SCYL3: variants seen among roughly 807,000 people sequenced by gnomAD.
SCYL3 encodes SCY1 like pseudokinase 3.
SCYL3 carries 35 observed loss-of-function variants against 73.8 expected under a neutral mutation model. The ratio of observed to expected loss-of-function variants is 0.47; its 90% confidence interval spans 0.36 to 0.63. The LOEUF (loss-of-function observed/expected upper bound fraction) is 0.63, where lower values mean the gene tolerates loss of function less well. SCYL3 is among the 20% of genes least tolerant of loss of function. SCYL3 has a pLI of 0.00. For synonymous variants in SCYL3, 277 were observed against 295.2 expected, an observed-to-expected ratio of 0.94 and a Z score of 0.63; for missense variants, 712 against 798.9, an observed-to-expected ratio of 0.89 and a Z score of 1.31.
intron 1 of SCYL3, among the ~76,000 whole-genome samples, chr1:169,892,369 C>T (rs1264670185): frequency 6.6e-6 from 1 of 152,170 alleles, no homozygotes; most frequent in Non-Finnish European, 1.5e-5. Flanking sequence ...AGCTACCTGC[C>T]CTCCCCAGCC....
At chr1:169,873,778 A>G in intron 4 of SCYL3, 26 bp from the exon 5 acceptor site, 1 of 1,527,066 alleles carries the variant, frequency 6.5e-7, no homozygotes. Flanking sequence ...AATTAAAGAA[A>G]ATGATTCATA....
chr1:169,890,287 C>T (rs964487130), intron 1 of SCYL3, among the ~76,000 whole-genome samples: 6 of 152,140 alleles, frequency 3.9e-5, no homozygotes, highest in African/African-American at 7.2e-5. Flanking sequence ...GGCCAAACAA[C>T]GTATGTCTGA....
At position 169,893,245 on chromosome 1, in the gene SCYL3, A is replaced by C. The variant is rs1036861318; in HGVS notation, c.-51+543T>G. On this transcript the variant is annotated intron_variant, in intron 1 of 12. Coordinates refer to ENST00000367771, the MANE Select transcript of SCYL3 (RefSeq NM_020423.7). ...TGTTTCATCTTTATTCTAAACAGAA[A>C]GCACTATGCCAAGACAGGAGCCAGC... Among the ~76,000 whole-genome samples the C allele has an allele frequency of 1.0e-3, 159 of 152,288 alleles. 1 individual carries two copies. The highest frequency in any genetic ancestry group is 3.6e-3 in the African/African-American group (148 of 41,564).
At chr1:169,860,483 C>A (rs1389941113) in intron 10 of SCYL3, among the ~76,000 whole-genome samples, 7 of 152,222 alleles carry the variant, frequency 4.6e-5, no homozygotes, top group Admixed American at 4.6e-4. Flanking sequence ...CTTAGCTCTG[C>A]TAATAATTCT....
rs191037390 is a variant in SCYL3, at chr1:169,852,936, G to A, written c.*777C>T. The A allele has an allele frequency of 8.7e-6, 14 of 1,614,082 alleles. 1 individual carries two copies. In the African/African-American group the frequency reaches 1.2e-4, roughly 14 times the overall value. ...CCTGGCTTTCAATGGAAATGGAGGCGCTCCAAGAAAGGATGGATAAGCTAA... is the reference window on the plus strand; with the variant it reads ...CCTGGCTTTCAATGGAAATGGAGGCACTCCAAGAAAGGATGGATAAGCTAA... On this transcript the variant is annotated 3_prime_UTR_variant, in exon 13 of 13. Coordinates refer to ENST00000367771, the MANE Select transcript of SCYL3 (RefSeq NM_020423.7).
chr1:169,856,590 C>A (rs141799938), intron 11 of SCYL3, among the ~76,000 whole-genome samples: 27 of 152,246 alleles, frequency 1.8e-4, no homozygotes, highest in African/African-American at 4.6e-4. Flanking sequence ...ACATCTCCCC[C>A]CTCCTCACCC....
At chr1:169,863,880 T>G (rs913237519) in intron 9 of SCYL3, among the ~76,000 whole-genome samples, 1 of 152,184 alleles carries the variant, frequency 6.6e-6, no homozygotes, top group African/African-American at 2.4e-5. Context: ...TACTATATTC[T>G]CTCATCTGTT....
intron 11 of SCYL3, among the ~76,000 whole-genome samples, chr1:169,855,618 A>G (rs1027518543): frequency 6.6e-6 from 1 of 152,218 alleles, no homozygotes; most frequent in African/African-American, 2.4e-5. Flanking sequence ...CTTCTCACCA[A>G]CTATAAAGAG....
intron 5 of SCYL3, among the ~76,000 whole-genome samples, chr1:169,870,957 T>C (rs966420505): frequency 6.6e-6 from 1 of 152,232 alleles, no homozygotes; most frequent in African/African-American, 2.4e-5. Flanking sequence ...GGGGATTATT[T>C]ATAGTGGCTA....
intron 2 of SCYL3, among the ~76,000 whole-genome samples, chr1:169,883,952 C>G (rs1214646113): frequency 6.6e-6 from 1 of 151,988 alleles, no homozygotes; most frequent in African/African-American, 2.4e-5. Flanking sequence ...GAACTCCTGA[C>G]CTTGTGATCC....
At position 169,849,738 on chromosome 1, in the gene SCYL3, C is replaced by T. The variant is rs150267675; in HGVS notation, c.*3975G>A. On this transcript the variant is annotated 3_prime_UTR_variant, in exon 13 of 13. Transcript: ENST00000367771. Reference sequence around the variant, plus strand: ...AAAATTGTCTGAAGGGTACATTACTCGTTATCTCTTTTACAGCTTCTCAAA... The same window carrying T: ...AAAATTGTCTGAAGGGTACATTACTTGTTATCTCTTTTACAGCTTCTCAAA... 5.7e-3 allele frequency: 3,808 copies of T among 670,012 alleles called. 20 individuals are homozygous for T. The highest frequency in any genetic ancestry group is 9.8e-3 in the Middle Eastern group (26 of 2,648). The allele number at this position is 670,012 out of a possible 1,614,324, so 41.5% of individuals were successfully genotyped here.
chr1:169,872,925 G>T (rs1202302913), intron 5 of SCYL3, among the ~76,000 whole-genome samples: 1 of 152,168 alleles, frequency 6.6e-6, no homozygotes, highest in Non-Finnish European at 1.5e-5. Flanking sequence ...CAGGCTCATA[G>T]GTGGAAGGGA....
rs779301022 is a variant in SCYL3 at position 169,854,841 on chromosome 1, C to A, written c.1436G>T (p.Ser479Ile). Reference protein sequence around the residue: ...SKKSEEWPDWSEPEEPENQTV... With the variant: ...SKKSEEWPDWIEPEEPENQTV... ...TTGATTTTCAGGCTCCTCAGGTTCA[C>A]TCCAGTCAGGCCACTCCTCAGACTT... The change falls in exon 12 of 13, where the codon AGT becomes ATT. Residue 479 changes from serine to isoleucine, a missense_variant. Physicochemically the swap from Ser to Ile is moderately radical, Grantham distance 142 (BLOSUM62 -2). Transcript: ENST00000367771. 1.9e-6 allele frequency: 3 copies of A among 1,614,066 alleles called. No individual in the cohort carries two copies. The highest frequency in any genetic ancestry group is 1.7e-5 in the Admixed American group (1 of 60,024).
intron 11 of SCYL3, among the ~76,000 whole-genome samples, chr1:169,856,590 C>T (rs141799938): frequency 1.3e-5 from 2 of 152,128 alleles, no homozygotes; most frequent in African/African-American, 2.4e-5. Context: ...ACATCTCCCC[C>T]CTCCTCACCC....
Position 169,850,356 on chromosome 1 carries a change from T to C in SCYL3, c.*3357A>G, listed in dbSNP as rs1206735341. ...TCCTTTCTGGAGAAGGTACTTTCTT[T>C]ACATGGCTCATGTTTTATTCTTTGT... On this transcript the variant is annotated 3_prime_UTR_variant, in exon 13 of 13. Transcript: ENST00000367771. 1.3e-6 allele frequency: 2 copies of C among 1,566,138 alleles called. No individual in the cohort carries two copies. Among genetic ancestry groups the C allele is most frequent in the South Asian group, 2.3e-5 (2 of 88,812 alleles).
intron 8 of SCYL3, 106 bp from the exon 9 acceptor site, chr1:169,864,614 T>C: frequency 8.7e-7 from 1 of 1,156,046 alleles, no homozygotes; most frequent in Non-Finnish European, 1.2e-6. Context: ...ATCAAAGTGA[T>C]GCATTTGAAA....
chr1:169,871,044 A>G (rs10489170), intron 5 of SCYL3, among the ~76,000 whole-genome samples: 21,798 of 152,138 alleles, frequency 0.14, 1,649 homozygotes, highest in Middle Eastern at 0.21. Flanking sequence ...AGCACTCTTA[A>G]TAATCATTCT....
chr1:169,869,108 C>T, intron 6 of SCYL3, 69 bp from the exon 7 acceptor site: 1 of 1,297,698 alleles, frequency 7.7e-7, no homozygotes, highest in Non-Finnish European at 1.1e-6. Flanking sequence ...TAGCTGGAGA[C>T]TGCCGAGAGC....
At chr1:169,882,412 G>T (rs1177674183) in intron 2 of SCYL3, among the ~76,000 whole-genome samples, 1 of 152,174 alleles carries the variant, frequency 6.6e-6, no homozygotes, top group Non-Finnish European at 1.5e-5. Context: ...GGGCTCCTGT[G>T]CGACCCCAGC....
Sources: allele counts gnomAD v4.1 joint callset (sites outside exome capture counted in the v4.1 genomes callset), GRCh38; gene constraint gnomAD v4.1.1; transcripts MANE v1.5; gene names NCBI Gene and HGNC (gene_info 2026-07-23, HGNC 2026-07-21).